LDLRAD4: variants seen among roughly 807,000 people sequenced by gnomAD.
LDLRAD4 encodes the protein low-density lipoprotein receptor class A domain-containing protein 4.
In LDLRAD4, 5 loss-of-function variants were observed where a neutral mutation model predicts 17.0. The ratio of observed to expected loss-of-function variants is 0.29; its 90% CI spans 0.15 to 0.62. The LOEUF (loss-of-function observed/expected upper bound fraction) is 0.62. Among genes scored for constraint, LDLRAD4 ranks in the 20% least tolerant of loss-of-function variants. The pLI is 0.84. For synonymous variants in LDLRAD4, 168 were observed against 171.8 expected (o/e 0.98, Z 0.17); for missense variants, 340 against 424.7 (o/e 0.80, Z 1.75).
chr18:13,358,605 C>T (rs1317785419), intron 1 of LDLRAD4, among the ~76,000 whole-genome samples: 1 of 151,952 alleles, frequency 6.6e-6, no homozygotes, highest in Non-Finnish European at 1.5e-5. Context: ...AAATTTATCC[C>T]ATTTATCCCT....
rs1053243941 is a variant in LDLRAD4, at chr18:13,248,197, G to T, written c.-467+29209G>T. Among the ~76,000 whole-genome samples the T allele has an allele frequency of 4.6e-5, 7 of 152,272 alleles. 2 individuals carry two copies. Among genetic ancestry groups the T allele is most frequent in the Admixed American group, 4.6e-4 (7 of 15,298 alleles). ...AGGCTGTTCTCAAACTCCTGACCTCGTGATCCGCCTGCCTCGGCCTCCCAA... is the reference window on the plus strand; with the variant it reads ...AGGCTGTTCTCAAACTCCTGACCTCTTGATCCGCCTGCCTCGGCCTCCCAA... On this transcript the variant is annotated intron_variant, in intron 1 of 5. Coordinates refer to the LDLRAD4 transcript ENST00000399848.
intron 1 of LDLRAD4, among the ~76,000 whole-genome samples, chr18:13,247,462 A>G (rs192062004): frequency 5.3e-5 from 8 of 152,318 alleles, no homozygotes; most frequent in African/African-American, 1.9e-4. Context: ...GCAGTCCAGG[A>G]TGCCATGTTG....
At chr18:13,294,137 A>C (rs1038246334) in intron 1 of LDLRAD4, among the ~76,000 whole-genome samples, 9 of 152,260 alleles carry the variant, frequency 5.9e-5, no homozygotes, top group African/African-American at 1.9e-4. Flanking sequence ...CCACATGCTT[A>C]GCGTTCCAAT....
At chr18:13,331,975 T>A (rs1279428325) in intron 1 of LDLRAD4, among the ~76,000 whole-genome samples, 1 of 152,202 alleles carries the variant, frequency 6.6e-6, no homozygotes, top group African/African-American at 2.4e-5. Context: ...AGCTGGGACT[T>A]CAGGTGTGTG....
At chr18:13,584,038 C>G (rs2094902530) in intron 3 of LDLRAD4, among the ~76,000 whole-genome samples, 1 of 152,220 alleles carries the variant, frequency 6.6e-6, no homozygotes, top group Non-Finnish European at 1.5e-5. Flanking sequence ...ACCCATCTTG[C>G]TGAGAGTGCA....
At chr18:13,264,057 T>A (rs1387917055) in intron 1 of LDLRAD4, among the ~76,000 whole-genome samples, 1 of 152,178 alleles carries the variant, frequency 6.6e-6, no homozygotes, top group African/African-American at 2.4e-5. Flanking sequence ...TGGGAGGGGC[T>A]ATGATGGAGC....
chr18:13,544,682 TA>T (rs1203535313), intron 3 of LDLRAD4, among the ~76,000 whole-genome samples: 1 of 152,162 alleles, frequency 6.6e-6, no homozygotes, highest in East Asian at 1.9e-4. Flanking sequence ...CAGGTAGACC[TA>T]ACTGCAACCT....
intron 3 of LDLRAD4, among the ~76,000 whole-genome samples, chr18:13,576,597 G>C (rs766825632): frequency 6.6e-6 from 1 of 152,204 alleles, no homozygotes; most frequent in Non-Finnish European, 1.5e-5. Context: ...GAGCTGGAGG[G>C]TGGGTGCTGT....
At chr18:13,457,607 G>A (rs570354345) in intron 3 of LDLRAD4, among the ~76,000 whole-genome samples, 92 of 152,298 alleles carry the variant, frequency 6.0e-4, no homozygotes, top group Non-Finnish European at 1.1e-3. Flanking sequence ...GAGGCCTGAC[G>A]CACCCGACCT....
intron 3 of LDLRAD4, among the ~76,000 whole-genome samples, chr18:13,466,130 A>G (rs1325645536): frequency 2.6e-5 from 4 of 152,194 alleles, no homozygotes; most frequent in Non-Finnish European, 5.9e-5. Flanking sequence ...AGTAACACAT[A>G]GTTTGCAATT....
At chr18:13,252,721 C>T (rs1172269022) in intron 1 of LDLRAD4, among the ~76,000 whole-genome samples, 1 of 152,196 alleles carries the variant, frequency 6.6e-6, no homozygotes, top group African/African-American at 2.4e-5. Context: ...TGAAGATGCT[C>T]TTTGCTTCTG....
chr18:13,535,766 T>C (rs1057393353), intron 3 of LDLRAD4, among the ~76,000 whole-genome samples: 1 of 152,222 alleles, frequency 6.6e-6, no homozygotes, highest in African/African-American at 2.4e-5. Flanking sequence ...CATGTTTTCT[T>C]CTATAAGTTT....
At chr18:13,229,271 C>T (rs1377453594) in intron 1 of LDLRAD4, among the ~76,000 whole-genome samples, 3 of 152,206 alleles carry the variant, frequency 2.0e-5, no homozygotes, top group Non-Finnish European at 4.4e-5. Context: ...CTCCTGGGCC[C>T]CTGTGCTGCC....
At chr18:13,348,089 G>T (rs374337343) in intron 1 of LDLRAD4, among the ~76,000 whole-genome samples, 1 of 152,180 alleles carries the variant, frequency 6.6e-6, no homozygotes, top group Non-Finnish European at 1.5e-5. Context: ...GTCATTCTCT[G>T]TCCAGCTTTG....
intron 3 of LDLRAD4, among the ~76,000 whole-genome samples, chr18:13,607,016 G>T (rs1231737693): frequency 6.6e-6 from 1 of 152,194 alleles, no homozygotes; most frequent in Admixed American, 6.5e-5. Flanking sequence ...GGGTAATCAG[G>T]CTAAAAAAAT....
intron 3 of LDLRAD4, among the ~76,000 whole-genome samples, chr18:13,619,507 G>A (rs1384991317): frequency 7.8e-6 from 1 of 128,390 alleles, no homozygotes; most frequent in African/African-American, 2.9e-5. Context: ...TGGGTGGGGG[G>A]GTGGGGCCGG....
intron 3 of LDLRAD4, among the ~76,000 whole-genome samples, chr18:13,575,251 A>G (rs375646526): frequency 2.6e-5 from 4 of 152,156 alleles, no homozygotes; most frequent in South Asian, 4.1e-4. Context: ...CTGAGTCCCC[A>G]AAGTCCATTG....
chr18:13,590,990 A>G (rs2095019868), intron 3 of LDLRAD4, among the ~76,000 whole-genome samples: 1 of 152,172 alleles, frequency 6.6e-6, no homozygotes, highest in Middle Eastern at 3.2e-3. Flanking sequence ...TTCTTGAAGT[A>G]TGAATTAAAA....
At chr18:13,316,433 G>A (rs533028554) in intron 1 of LDLRAD4, among the ~76,000 whole-genome samples, 87 of 152,296 alleles carry the variant, frequency 5.7e-4, no homozygotes, top group African/African-American at 2.0e-3. Context: ...GTCACCAGAA[G>A]AACTATAGTA....
Sources: allele counts gnomAD v4.1 joint callset (sites outside exome capture counted in the v4.1 genomes callset), GRCh38; gene constraint gnomAD v4.1.1; transcripts MANE v1.5; gene names NCBI Gene and HGNC (gene_info 2026-07-23, HGNC 2026-07-21).